ADGRL2: variants seen among roughly 807,000 people sequenced by gnomAD.
The protein encoded by ADGRL2 is calcium-independent alpha-latrotoxin receptor 2.
ADGRL2 carries 44 observed loss-of-function variants against 157.4 expected under a neutral mutation model. The observed-to-expected ratio is 0.28, with a 90% CI of 0.22 to 0.36. The LOEUF is 0.36. Ranked by LOEUF, ADGRL2 falls within the 10% of genes least tolerant of loss-of-function variation. The pLI, the probability that ADGRL2 is intolerant of heterozygous loss-of-function variation, is 1.00. For missense variants in ADGRL2, 1,510 were observed against 1,768.9 expected (o/e 0.85, Z 2.63); for synonymous variants, 585 against 624.7 (o/e 0.94, Z 0.95).
rs148024738 is a variant in ADGRL2 at position 81,485,306 on chromosome 1, A to G, written c.-248+40217A>G. On this transcript the variant is annotated intron_variant, in intron 2 of 24. Transcript: ENST00000370721. Reference sequence around the variant, plus strand: ...AGGGAAAAATGTAGGGGTCTATAAGAGAAGATCCCCTGCAAATGAATAATT... The same window carrying G: ...AGGGAAAAATGTAGGGGTCTATAAGGGAAGATCCCCTGCAAATGAATAATT... 8.5e-5 allele frequency among the ~76,000 whole-genome samples: 13 copies of G among 152,192 alleles called. No homozygotes were observed. In the East Asian group the frequency reaches 2.3e-3, roughly 27 times the overall value.
At chr1:81,566,737 C>T (rs2080572039) in intron 2 of ADGRL2, among the ~76,000 whole-genome samples, 1 of 152,046 alleles carries the variant, frequency 6.6e-6, no homozygotes, top group Non-Finnish European at 1.5e-5. Flanking sequence ...CTTCTTTGAG[C>T]CTAGCTGGTG....
intron 2 of ADGRL2, among the ~76,000 whole-genome samples, chr1:81,529,733 G>T (rs2079554030): frequency 6.6e-6 from 1 of 152,162 alleles, no homozygotes; most frequent in Non-Finnish European, 1.5e-5. Flanking sequence ...TACACAAACA[G>T]TGACTCTGAC....
Position 81,892,073 on chromosome 1 carries a change from C to T in ADGRL2, c.74-14944C>T, listed in dbSNP as rs996361854. Among the ~76,000 whole-genome samples the T allele has an allele frequency of 4.6e-5, 7 of 151,010 alleles. No homozygotes were observed. In the Admixed American group the frequency reaches 4.6e-4, roughly 10 times the overall value. ...AGAGTAGTGCTTTTAGGTTGAGATA[C>T]ATTTTTTTATCCATCAATCTTTGTA... On this transcript the variant is annotated intron_variant, in intron 2 of 23. Transcript: ENST00000686636.
chr1:81,557,506 A>AAAGAAAGAAAGAG (rs2080331270), intron 2 of ADGRL2: 2 of 99,856 alleles, frequency 2.0e-5, no homozygotes, highest in African/African-American at 4.2e-5. Flanking sequence ...AGAAAGAAAG[A>AAAGAAAGAAAGAG]AAGAAAGAAA....
At chr1:81,938,234 C>T (rs2095338274) in intron 4 of ADGRL2, among the ~76,000 whole-genome samples, 1 of 151,588 alleles carries the variant, frequency 6.6e-6, no homozygotes, top group East Asian at 1.9e-4. Context: ...AATTTTGTTC[C>T]ATAAAGTCAC....
intron 4 of ADGRL2, among the ~76,000 whole-genome samples, chr1:81,937,541 A>G (rs539429969): frequency 3.3e-5 from 5 of 151,960 alleles, no homozygotes; most frequent in East Asian, 3.9e-4. Context: ...ATTGTATTCT[A>G]TACTTTCAGT....
intron 2 of ADGRL2, among the ~76,000 whole-genome samples, chr1:81,475,093 C>T (rs888560730): frequency 6.6e-6 from 1 of 152,130 alleles, no homozygotes; most frequent in African/African-American, 2.4e-5. Flanking sequence ...TCCTTGGTTT[C>T]CTAGAGCTCA....
chr1:81,619,294 T>C (rs550693245), intron 3 of ADGRL2, among the ~76,000 whole-genome samples: 1 of 150,322 alleles, frequency 6.7e-6, no homozygotes, highest in East Asian at 2.0e-4. Flanking sequence ...TTTTTTAAGG[T>C]GTCTGCCTTC....
chr1:81,948,680 G>T (rs991657145), intron 6 of ADGRL2, among the ~76,000 whole-genome samples: 1 of 152,188 alleles, frequency 6.6e-6, no homozygotes, highest in African/African-American at 2.4e-5. Flanking sequence ...TCAAGCAAGT[G>T]CTTTAAAGAA....
At chr1:81,772,481 C>G (rs571499994) in intron 2 of ADGRL2, among the ~76,000 whole-genome samples, 9 of 152,024 alleles carry the variant, frequency 5.9e-5, no homozygotes, top group Non-Finnish European at 1.3e-4. Flanking sequence ...GTAATCCCAG[C>G]ACTGTGGGAG....
At chr1:81,866,304 A>G (rs1416480801) in intron 2 of ADGRL2, among the ~76,000 whole-genome samples, 1 of 152,054 alleles carries the variant, frequency 6.6e-6, no homozygotes, top group Non-Finnish European at 1.5e-5. Context: ...TCCCAATTAC[A>G]TCATCCTATT....
intron 2 of ADGRL2, among the ~76,000 whole-genome samples, chr1:81,570,578 G>A (rs749860801): frequency 2.0e-5 from 3 of 152,032 alleles, no homozygotes; most frequent in Non-Finnish European, 2.9e-5. Context: ...TAGTAGAGAC[G>A]GGGTTTCGCT....
intron 11 of ADGRL2, among the ~76,000 whole-genome samples, chr1:81,956,944 T>C (rs894161336): frequency 6.6e-6 from 1 of 152,150 alleles, no homozygotes; most frequent in African/African-American, 2.4e-5. Flanking sequence ...GTCATGAGAC[T>C]TTATATAAAA....
Position 81,691,563 on chromosome 1 carries a change from A to G in ADGRL2, c.-142-70248A>G, listed in dbSNP as rs191383246. On this transcript the variant is annotated intron_variant, in intron 3 of 24. Transcript: ENST00000370721. ...GCCCAGGCTGGAGTGCAATGGCACG[A>G]TCTCGGCTCACTGCAACCTCCACTT... Among the ~76,000 whole-genome samples the G allele has an allele frequency of 2.5e-3, 385 of 151,898 alleles. 2 individuals carry two copies. Among genetic ancestry groups the G allele is most frequent in the African/African-American group, 8.8e-3 (366 of 41,400 alleles).
rs534717563 is a variant in ADGRL2 at position 81,882,373 on chromosome 1, T to C, written c.74-24644T>C. 2.0e-5 allele frequency among the ~76,000 whole-genome samples: 3 copies of C among 152,290 alleles called. No homozygotes were observed. The South Asian group carries it at 6.2e-4, about 32-fold the overall frequency. On this transcript the variant is annotated intron_variant, in intron 2 of 23. Coordinates refer to ENST00000686636, the MANE Select transcript of ADGRL2 (RefSeq NM_001366006.2). The stretch of plus-strand genomic sequence containing the variant: ...CTTTTGGTATTCATCAGAGTAAAAA[T>C]TAATTTTATCTTAAAAACTAGAGTA...
chr1:81,444,666 C>T (rs1390650935), intron 1 of ADGRL2, among the ~76,000 whole-genome samples: 1 of 152,168 alleles, frequency 6.6e-6, no homozygotes, highest in Admixed American at 6.6e-5. Flanking sequence ...CAGGTGGCAT[C>T]AATGGGCTGT....
intron 2 of ADGRL2, among the ~76,000 whole-genome samples, chr1:81,894,225 A>G (rs2094333013): frequency 6.6e-6 from 1 of 152,196 alleles, no homozygotes; most frequent in African/African-American, 2.4e-5. Flanking sequence ...TACATAATGA[A>G]TGAAGCAATA....
chr1:81,359,758 T>C (rs1412431169), intron 1 of ADGRL2, among the ~76,000 whole-genome samples: 1 of 151,954 alleles, frequency 6.6e-6, no homozygotes, highest in Non-Finnish European at 1.5e-5. Context: ...ATAAATGCAT[T>C]ACCACCCCCA....
intron 1 of ADGRL2, among the ~76,000 whole-genome samples, chr1:81,738,531 T>A (rs776047759): frequency 6.6e-6 from 1 of 152,206 alleles, no homozygotes; most frequent in South Asian, 2.1e-4. Context: ...GATATCATAG[T>A]GTTTATTGTC....
Sources: gnomAD v4.1 joint callset for allele counts (sites outside exome capture counted in the v4.1 genomes callset) on GRCh38, gnomAD v4.1.1 for gene constraint, MANE v1.5 for transcripts, NCBI Gene and HGNC (gene_info 2026-07-23, HGNC 2026-07-21) for gene names.